The following DOCK2 variants were observed in gnomAD, a reference collection of about 807,000 sequenced individuals.
The protein encoded by DOCK2 is dedicator of cytokinesis 2.
Under a neutral mutation model 248.9 loss-of-function variants are expected in DOCK2, and 87 were observed. That is an observed-to-expected ratio of 0.35 (90% CI 0.29 to 0.42). DOCK2 has a LOEUF of 0.42. DOCK2 is among the 10% of genes least tolerant of loss of function. The pLI is 1.00. For missense variants in DOCK2, 1,747 were observed against 2,300.2 expected (o/e 0.76, Z 4.92); for synonymous variants, 805 against 821.6 (o/e 0.98, Z 0.35).
Position 170,067,675 on chromosome 5 carries a change from A to G in DOCK2, c.4633A>G (p.Lys1545Glu). The change falls in exon 45 of 52, where the codon AAG (lysine) becomes GAG (glutamate). Residue 1545 changes from lysine to glutamate, a missense_variant. By Grantham distance (56) the Lys-to-Glu change is moderately conservative. Transcript: ENST00000520908. ...CCCTGCTGTCATGGGAGGCTTCGCC[A>G]AGTATGAGAAGGTGAGGATTTCTGT... is the stretch of plus-strand genomic sequence containing the variant. ...VDPAVMGGFA[K>E]YEKAFFTEEY... The G allele has an allele frequency of 6.2e-7, 1 of 1,614,080 alleles. No individual in the cohort carries two copies. Among genetic ancestry groups the G allele is most frequent in the Non-Finnish European group, 8.5e-7 (1 of 1,179,950 alleles).
At chr5:169,761,885 T>A (rs897280102) in intron 25 of DOCK2, among the ~76,000 whole-genome samples, 4 of 152,176 alleles carry the variant, frequency 2.6e-5, no homozygotes, top group African/African-American at 7.2e-5. Context: ...TTTCCCCCTG[T>A]ATGGTTTATT....
At chr5:169,841,840 GAGCTCC>G (rs1769994762) in intron 27 of DOCK2, among the ~76,000 whole-genome samples, 1 of 152,152 alleles carries the variant, frequency 6.6e-6, no homozygotes, top group South Asian at 2.1e-4. Context: ...ATGAGAATAT[GAGCTCC>G]AGGAAAGTAA....
chr5:169,648,888 G>A (rs1462274955), intron 1 of DOCK2, among the ~76,000 whole-genome samples: 1 of 152,196 alleles, frequency 6.6e-6, no homozygotes, highest in Non-Finnish European at 1.5e-5. Context: ...CCCTCTGGCT[G>A]TAATTCTTCT....
At chr5:169,767,644 A>G (rs1764866675) in intron 25 of DOCK2, among the ~76,000 whole-genome samples, 1 of 152,216 alleles carries the variant, frequency 6.6e-6, no homozygotes, top group African/African-American at 2.4e-5. Flanking sequence ...TATGAAAAGC[A>G]ACTAGCAGAG....
At chr5:170,015,009 C>T (rs1164150131) in intron 32 of DOCK2, among the ~76,000 whole-genome samples, 1 of 152,170 alleles carries the variant, frequency 6.6e-6, no homozygotes, top group Non-Finnish European at 1.5e-5. Context: ...GACCCTTTCC[C>T]CAGTTCAGCT....
At chr5:170,021,666 G>A (rs901780359) in intron 33 of DOCK2, among the ~76,000 whole-genome samples, 2 of 152,066 alleles carry the variant, frequency 1.3e-5, no homozygotes, top group African/African-American at 2.4e-5. Context: ...ACTTCTCCTC[G>A]CAGCTCCCTT....
At chr5:169,817,593 A>G (rs1247451689) in intron 26 of DOCK2, among the ~76,000 whole-genome samples, 1 of 152,240 alleles carries the variant, frequency 6.6e-6, no homozygotes, top group Admixed American at 6.5e-5. Flanking sequence ...TTGAATAGTT[A>G]AATCATATTT....
chr5:169,716,181 T>A, intron 19 of DOCK2, 32 bp from the exon 20 acceptor site: 1 of 1,601,570 alleles, frequency 6.2e-7, no homozygotes, highest in Non-Finnish European at 8.6e-7. Context: ...GTCTTGTTTC[T>A]GAAGTAGTGC....
At chr5:169,875,933 TA>T (rs1289775181) in intron 27 of DOCK2, 2 of 152,284 alleles carry the variant, frequency 1.3e-5, no homozygotes, top group African/African-American at 4.8e-5. Context: ...TTTAATGGCT[TA>T]AAACAACATA....
chr5:169,747,326 G>T, intron 22 of DOCK2, 70 bp from the exon 23 acceptor site: 1 of 1,371,544 alleles, frequency 7.3e-7, no homozygotes, highest in Non-Finnish European at 1.0e-6. Flanking sequence ...AATGAAGTTT[G>T]TGCCTAGTAC....
chr5:169,797,311 C>T (rs1018709863), intron 25 of DOCK2, among the ~76,000 whole-genome samples: 3 of 152,172 alleles, frequency 2.0e-5, no homozygotes, highest in African/African-American at 7.2e-5. Context: ...GCTGGATGCA[C>T]CTCAAGGTGG....
intron 30 of DOCK2, among the ~76,000 whole-genome samples, chr5:169,999,779 G>A (rs933530068): frequency 6.6e-6 from 1 of 152,034 alleles, no homozygotes; most frequent in Non-Finnish European, 1.5e-5. Flanking sequence ...TCCTTCTTAC[G>A]GGCTCATTAA....
intron 27 of DOCK2, chr5:169,875,205 A>G (rs1388434007): frequency 4.4e-6 from 2 of 456,450 alleles, no homozygotes; most frequent in African/African-American, 2.0e-5. Context: ...CTTCTGCTTT[A>G]TTTGAACCAA....
intron 6 of DOCK2, among the ~76,000 whole-genome samples, chr5:169,678,487 A>G (rs1759467533): frequency 6.6e-6 from 1 of 151,560 alleles, no homozygotes; most frequent in African/African-American, 2.4e-5. Flanking sequence ...CTGGTCTTGA[A>G]CTCCTGACCT....
chr5:169,714,965 G>T lies in DOCK2; in HGVS notation c.1941+508G>T, dbSNP rs867560133. ...TATGTGTGTGAGCATATATATGTGT[G>T]CATATGTATATATACATATATATAT... On this transcript the variant is annotated intron_variant, in intron 19 of 51. Coordinates refer to ENST00000520908, the MANE Select transcript of DOCK2 (RefSeq NM_004946.3). 2.0e-5 allele frequency among the ~76,000 whole-genome samples: 3 copies of T among 152,094 alleles called. No homozygotes were observed. In the South Asian group the frequency reaches 6.2e-4, roughly 32 times the overall value.
At chr5:169,903,097 A>C (rs2113588519) in intron 27 of DOCK2, among the ~76,000 whole-genome samples, 1 of 146,704 alleles carries the variant, frequency 6.8e-6, no homozygotes, top group African/African-American at 2.6e-5. Flanking sequence ...ACTCCATCTC[A>C]AAAAAAAAAG....
chr5:169,679,286 T>G (rs1464778193), intron 6 of DOCK2, among the ~76,000 whole-genome samples: 1 of 152,176 alleles, frequency 6.6e-6, no homozygotes, highest in African/African-American at 2.4e-5. Context: ...TTGGCTTCAT[T>G]TTATCACTTC....
At chr5:169,895,124 G>A (rs530552179) in intron 27 of DOCK2, among the ~76,000 whole-genome samples, 1 of 152,306 alleles carries the variant, frequency 6.6e-6, no homozygotes, top group African/African-American at 2.4e-5. Context: ...GCAAATCACA[G>A]GCTGTGTAGC....
chr5:169,860,985 G>T (rs1047102389), intron 27 of DOCK2, among the ~76,000 whole-genome samples: 2 of 152,154 alleles, frequency 1.3e-5, no homozygotes, highest in Non-Finnish European at 2.9e-5. Context: ...AATTAAGGGG[G>T]AAATAAAGAA....
Sources: allele counts gnomAD v4.1 joint callset (sites outside exome capture counted in the v4.1 genomes callset), GRCh38; gene constraint gnomAD v4.1.1; transcripts MANE v1.5; gene names NCBI Gene and HGNC (gene_info 2026-07-23, HGNC 2026-07-21).